The following TRAPPC9 variants were observed in gnomAD, a reference collection of about 807,000 sequenced individuals.
TRAPPC9 encodes the protein trafficking protein particle complex subunit 9.
Under a neutral mutation model 124.0 loss-of-function variants are expected in TRAPPC9, and 83 were observed. The observed-to-expected ratio is 0.67, with a 90% CI of 0.56 to 0.80. The LOEUF is 0.80. Ranked by LOEUF, TRAPPC9 falls within the 30% of genes least tolerant of loss-of-function variation. The probability of loss-of-function intolerance (pLI) is 0.00; values close to 1 mark genes in which losing one functional copy is unlikely to be tolerated. For synonymous variants in TRAPPC9, 638 were observed against 617.5 expected, an observed-to-expected ratio of 1.03 and a Z score of -0.49; for missense variants, 1,302 against 1,508.3, an observed-to-expected ratio of 0.86 and a Z score of 2.27.
At chr8:140,284,201 G>A (rs1006440187) in intron 13 of TRAPPC9, among the ~76,000 whole-genome samples, 180 bp from the exon 14 acceptor site, 5 of 152,154 alleles carry the variant, frequency 3.3e-5, no homozygotes, top group South Asian at 2.1e-4. Flanking sequence ...CACTGTCCTC[G>A]TACGTGATGG....
chr8:140,164,552 GGATCATGCCTT>G (rs1333111868), intron 17 of TRAPPC9, among the ~76,000 whole-genome samples: 1 of 152,180 alleles, frequency 6.6e-6, no homozygotes. Context: ...CTCTCCCACA[GGATCATGCCTT>G]GAGTGGCTGC....
chr8:140,052,117 C>A (rs746416457), intron 17 of TRAPPC9, among the ~76,000 whole-genome samples: 1 of 151,920 alleles, frequency 6.6e-6, no homozygotes, highest in African/African-American at 2.4e-5. Flanking sequence ...AAGAGGGGTG[C>A]GGCCTTCTGC....
In TRAPPC9 at chr8:140,397,835, T is replaced by G. The variant is rs73356467; in HGVS notation, c.1009-90A>C. The G allele has an allele frequency of 1.0e-3, 1,537 of 1,541,206 alleles. 17 individuals are homozygous for G. In the African/African-American group the frequency reaches 0.018, roughly 18 times the overall value. On this transcript the variant is annotated intron_variant, in intron 6 of 22. Transcript: ENST00000438773. ...GGCTGTGCTACTGGGACTCAATAAC[T>G]ACAACAGCACTTCCCCCATCACAGG... is the stretch of plus-strand genomic sequence containing the variant.
At chr8:139,805,664 G>C (rs1234764958) in intron 21 of TRAPPC9, among the ~76,000 whole-genome samples, 1 of 152,178 alleles carries the variant, frequency 6.6e-6, no homozygotes, top group Admixed American at 6.5e-5. Context: ...TCAAAATGCA[G>C]AGTCCACAAG....
At chr8:139,995,925 C>T (rs1837936755) in intron 18 of TRAPPC9, among the ~76,000 whole-genome samples, 1 of 147,410 alleles carries the variant, frequency 6.8e-6, no homozygotes, top group South Asian at 2.1e-4. Context: ...ATCCCAATGC[C>T]TCCCAATATT....
chr8:140,356,604 T>C (rs1476529285), intron 9 of TRAPPC9, among the ~76,000 whole-genome samples: 5 of 151,900 alleles, frequency 3.3e-5, no homozygotes, highest in African/African-American at 1.2e-4. Flanking sequence ...CATGTGTTCC[T>C]TGTAAAAAGA....
intron 17 of TRAPPC9, among the ~76,000 whole-genome samples, chr8:140,078,673 G>C (rs1391475140): frequency 6.6e-6 from 1 of 152,156 alleles, no homozygotes; most frequent in South Asian, 2.1e-4. Context: ...GCTCAGGGTT[G>C]AGAATGTGTC....
intron 15 of TRAPPC9, 144 bp from the exon 16 acceptor site, chr8:140,253,073 A>G: frequency 2.4e-6 from 2 of 825,876 alleles, no homozygotes; most frequent in Non-Finnish European, 3.8e-6. Flanking sequence ...AGTGACAAGA[A>G]CATTCCAGAA....
At chr8:140,133,374 A>G (rs2061239689) in intron 17 of TRAPPC9, among the ~76,000 whole-genome samples, 1 of 152,236 alleles carries the variant, frequency 6.6e-6, no homozygotes, top group Admixed American at 6.5e-5. Flanking sequence ...GATAAAACAT[A>G]AAAATCCAAC....
In TRAPPC9 at chr8:140,426,647, A is replaced by G. The variant is rs747880684; in HGVS notation, c.860-6T>C. On this transcript the variant is annotated splice_region_variant and splice_polypyrimidine_tract_variant and intron_variant, in intron 4 of 22. Coordinates refer to ENST00000438773, the MANE Select transcript of TRAPPC9 (RefSeq NM_001160372.4). ...AATGAGAACTTCCTGTGCCCCTGGA[A>G]GAAAGAACAGATTATGGTATTTTAT... The G allele has an allele frequency of 1.1e-5, 18 of 1,613,490 alleles. No individual in the cohort carries two copies. The highest frequency in any genetic ancestry group is 2.2e-5 in the South Asian group (2 of 91,080).
chr8:140,304,802 G>A (rs1263215118), intron 10 of TRAPPC9, among the ~76,000 whole-genome samples: 2 of 152,014 alleles, frequency 1.3e-5, no homozygotes, highest in East Asian at 3.9e-4. Context: ...AGTGTGTGAT[G>A]CACAGCAGCC....
Position 140,082,391 on chromosome 8 carries a change from G to C in TRAPPC9, c.2557-58312C>G, listed in dbSNP as rs143154813. 2.1e-3 allele frequency among the ~76,000 whole-genome samples: 313 copies of C among 152,234 alleles called. 1 individual carries two copies. Among genetic ancestry groups the C allele is most frequent in the African/African-American group, 7.1e-3 (293 of 41,532 alleles). ...TCGACACAAATATAACTCCATCCCA[G>C]CTTGCCCCAGTGAGAAATAATGCCC... On this transcript the variant is annotated intron_variant, in intron 17 of 22. Coordinates refer to ENST00000438773, the MANE Select transcript of TRAPPC9 (RefSeq NM_001160372.4).
intron 19 of TRAPPC9, among the ~76,000 whole-genome samples, chr8:139,938,181 C>A (rs892177648): frequency 6.6e-6 from 1 of 152,192 alleles, no homozygotes; most frequent in Non-Finnish European, 1.5e-5. Flanking sequence ...CCTGGCAGGT[C>A]TTTGGGAACC....
At position 140,200,686 on chromosome 8, in the gene TRAPPC9, A is replaced by G. The variant is rs576784977; in HGVS notation, c.2556+20773T>C. Among the ~76,000 whole-genome samples the G allele has an allele frequency of 7.9e-5, 12 of 152,308 alleles. No individual in the cohort carries two copies. The South Asian group carries it at 2.5e-3, about 32-fold the overall frequency. ...ACGTCACGAAAAACAAGGAGAGACA[A>G]GCCATCATAAACCGGAAGACACTAA... On this transcript the variant is annotated intron_variant, in intron 17 of 22. Transcript: ENST00000438773.
chr8:140,380,015 C>A (rs560800441), intron 7 of TRAPPC9, among the ~76,000 whole-genome samples: 1 of 152,230 alleles, frequency 6.6e-6, no homozygotes, highest in African/African-American at 2.4e-5. Context: ...TGGTAAAACA[C>A]CTCCAATGGA....
chr8:140,045,328 T>C (rs1232585048), intron 17 of TRAPPC9, among the ~76,000 whole-genome samples: 1 of 152,140 alleles, frequency 6.6e-6, no homozygotes, highest in Non-Finnish European at 1.5e-5. Context: ...ACCTTGGGTT[T>C]AACAAACCCA....
In TRAPPC9 at chr8:140,089,923, T is replaced by TA. The variant is rs59676018; in HGVS notation, c.2557-65845dup. Among the ~76,000 whole-genome samples the TA allele has an allele frequency of 2.5e-3, 379 of 151,884 alleles. 3 individuals carry two copies. In the East Asian group the frequency reaches 0.038, roughly 15 times the overall value. On this transcript the variant is annotated intron_variant, in intron 17 of 22. Coordinates refer to ENST00000438773, the MANE Select transcript of TRAPPC9 (RefSeq NM_001160372.4). ...TAAAACCCTGTCTCTACTAAAAATA[T>TA]AAAAAAAGTAGCTGGGTGTGGCGGT...
At chr8:140,418,116 C>G (rs897203543) in intron 5 of TRAPPC9, among the ~76,000 whole-genome samples, 86 of 152,182 alleles carry the variant, frequency 5.7e-4, no homozygotes, top group African/African-American at 2.0e-3. Context: ...ATGTAGATGA[C>G]GGGTTGATGG....
At chr8:139,983,768 C>T (rs1206574209) in intron 19 of TRAPPC9, among the ~76,000 whole-genome samples, 1 of 152,088 alleles carries the variant, frequency 6.6e-6, no homozygotes, top group African/African-American at 2.4e-5. Context: ...TGCCCCCGCC[C>T]CGGCCTCTCT....
Sources: gnomAD v4.1 joint callset for allele counts (sites outside exome capture counted in the v4.1 genomes callset) on GRCh38, gnomAD v4.1.1 for gene constraint, MANE v1.5 for transcripts, NCBI Gene and HGNC (gene_info 2026-07-23, HGNC 2026-07-21) for gene names.